KAZN: variants seen among roughly 807,000 people sequenced by gnomAD.
KAZN encodes kazrin, periplakin interacting protein, also known as kazrin.
Under a neutral mutation model 87.4 loss-of-function variants are expected in KAZN, and 40 were observed. That is an observed-to-expected ratio of 0.46 (90% CI 0.36 to 0.60). KAZN has a LOEUF of 0.60. Among genes scored for constraint, KAZN ranks in the 20% least tolerant of loss-of-function variants. The probability of loss-of-function intolerance (pLI) is 0.00; values close to 1 mark genes in which losing one functional copy is unlikely to be tolerated. For synonymous variants in KAZN, 466 were observed against 458.3 expected, an observed-to-expected ratio of 1.02 and a Z score of -0.22; for missense variants, 898 against 1,073.9, an observed-to-expected ratio of 0.84 and a Z score of 2.29.
chr1:13,983,826 G>T (rs186979476), intron 1 of KAZN, among the ~76,000 whole-genome samples: 25 of 152,258 alleles, frequency 1.6e-4, no homozygotes, highest in African/African-American at 4.8e-4. Context: ...TGTTTCGAAA[G>T]TTATACATGT....
chr1:14,466,412 C>T (rs1025036553), intron 2 of KAZN, among the ~76,000 whole-genome samples: 5 of 152,148 alleles, frequency 3.3e-5, no homozygotes, highest in East Asian at 3.9e-4. Context: ...CCAAATGCTG[C>T]GTGTTCTCAC....
At chr1:15,065,571 G>T in intron 7 of KAZN, 59 bp from the exon 8 acceptor site, 1 of 1,467,938 alleles carries the variant, frequency 6.8e-7, no homozygotes, top group Non-Finnish European at 9.3e-7. Flanking sequence ...CTGCACCCCA[G>T]CTAAGCTTGG....
At position 15,056,173 on chromosome 1, in the gene KAZN, G is replaced by A. The variant is rs1638259774; in HGVS notation, c.809G>A (p.Gly270Asp). Residue 270 changes from glycine (G) to aspartate (D), a missense_variant, in exon 5 of 15, where the codon GGC becomes GAC. Gly to Asp is a moderately conservative substitution (Grantham distance 94, BLOSUM62 -1). This residue lies in a region of KAZN where 521 missense variants were observed against 689.4 expected (regional missense o/e 0.76). Transcript: ENST00000376030. The surrounding 1 kb of genome is among the most constrained non-coding windows in gnomAD (Gnocchi z 5.4). ...ATGCCGGGCGAGACGGTGCTCAATG[G>A]CAACCAGGAGTGGGTGGTGCAGGCG... Reference protein sequence around the residue: ...LAMPGETVLNGNQEWVVQADL... With the variant: ...LAMPGETVLNDNQEWVVQADL... 6.2e-7 allele frequency: 1 copy of A among 1,614,182 alleles called. No individual in the cohort carries two copies. The highest frequency in any genetic ancestry group is 8.5e-7 in the Non-Finnish European group (1 of 1,180,024).
At chr1:15,027,241 C>T (rs1485117286) in intron 2 of KAZN, among the ~76,000 whole-genome samples, 5 of 152,116 alleles carry the variant, frequency 3.3e-5, no homozygotes, top group African/African-American at 1.2e-4. Flanking sequence ...GCACCACTCC[C>T]GGCTAATTTT....
chr1:14,867,245 C>T (rs1651567465), intron 1 of KAZN, among the ~76,000 whole-genome samples: 1 of 152,190 alleles, frequency 6.6e-6, no homozygotes, highest in South Asian at 2.1e-4. Context: ...CCTCTTTTGC[C>T]TTGAAGGTCT....
intron 2 of KAZN, among the ~76,000 whole-genome samples, chr1:14,183,647 C>T (rs968481556): frequency 5.3e-5 from 8 of 152,082 alleles, no homozygotes; most frequent in Admixed American, 2.6e-4. Context: ...TGTGTGACTC[C>T]GCATGCTAAG....
chr1:13,981,095 A>ATATATATATATG (rs1638660525), intron 1 of KAZN, among the ~76,000 whole-genome samples: 1 of 104,244 alleles, frequency 9.6e-6, no homozygotes, highest in African/African-American at 3.9e-5. Flanking sequence ...CTCTTTATAT[A>ATATATATATATG]TATATATATA....
At chr1:14,858,285 T>C (rs1262392792) in intron 1 of KAZN, among the ~76,000 whole-genome samples, 1 of 146,762 alleles carries the variant, frequency 6.8e-6, no homozygotes, top group Non-Finnish European at 1.5e-5. Flanking sequence ...CCATCTTGGC[T>C]CACCGCAACC....
At chr1:14,968,681 G>A (rs536863753) in intron 2 of KAZN, among the ~76,000 whole-genome samples, 1 of 152,320 alleles carries the variant, frequency 6.6e-6, no homozygotes, top group Non-Finnish European at 1.5e-5. Context: ...GCAGAAGAAA[G>A]GATCCGGAGT....
chr1:13,900,512 A>G (rs1639210278), intron 1 of KAZN, among the ~76,000 whole-genome samples: 1 of 152,240 alleles, frequency 6.6e-6, no homozygotes, highest in South Asian at 2.1e-4. Context: ...AAAAAGCAAC[A>G]GGGTGAAGTG....
chr1:14,401,069 T>G (rs1309559032), intron 2 of KAZN, among the ~76,000 whole-genome samples: 2 of 152,182 alleles, frequency 1.3e-5, no homozygotes, highest in Non-Finnish European at 2.9e-5. Flanking sequence ...GGTCTGAGGC[T>G]GCCAGGGAGA....
chr1:14,146,850 A>C (rs886827833), intron 1 of KAZN, among the ~76,000 whole-genome samples: 1 of 152,038 alleles, frequency 6.6e-6, no homozygotes, highest in African/African-American at 2.4e-5. Flanking sequence ...AGAGTTTGTC[A>C]AAGTGAGGAT....
chr1:14,324,063 C>T (rs560214395), intron 2 of KAZN, among the ~76,000 whole-genome samples: 3 of 152,160 alleles, frequency 2.0e-5, no homozygotes, highest in Non-Finnish European at 4.4e-5. Context: ...ACCTGTGCAC[C>T]CTAATTGCAT....
intron 2 of KAZN, among the ~76,000 whole-genome samples, chr1:14,375,245 A>T (rs1045389508): frequency 2.0e-5 from 3 of 152,112 alleles, no homozygotes; most frequent in Non-Finnish European, 2.9e-5. Flanking sequence ...AGAGTGCAGG[A>T]GGTTAGATTC....
At chr1:14,419,840 C>G (rs1370292310) in intron 2 of KAZN, among the ~76,000 whole-genome samples, 1 of 152,134 alleles carries the variant, frequency 6.6e-6, no homozygotes, top group Non-Finnish European at 1.5e-5. Context: ...GGAAGTGAAG[C>G]CAGACACCTT....
intron 1 of KAZN, among the ~76,000 whole-genome samples, chr1:14,906,983 T>C (rs900709491): frequency 2.0e-5 from 3 of 151,894 alleles, no homozygotes; most frequent in Non-Finnish European, 4.4e-5. Flanking sequence ...GGATGTGTCC[T>C]CTGACCTCGC....
chr1:14,802,870 G>A (rs1202548828), intron 1 of KAZN, among the ~76,000 whole-genome samples: 2 of 152,160 alleles, frequency 1.3e-5, no homozygotes, highest in South Asian at 2.1e-4. Context: ...TCAGTGGAAC[G>A]AGAAGGGAAC....
chr1:14,537,390 A>G (rs1428074430), intron 2 of KAZN, among the ~76,000 whole-genome samples: 3 of 152,250 alleles, frequency 2.0e-5, no homozygotes, highest in African/African-American at 7.2e-5. Flanking sequence ...GACTGGGGAA[A>G]TGAATGCTGA....
chr1:15,034,548 G>A (rs748723318), intron 2 of KAZN, among the ~76,000 whole-genome samples: 4 of 152,206 alleles, frequency 2.6e-5, no homozygotes, highest in Non-Finnish European at 1.5e-5. Context: ...GAGAATCGGG[G>A]CTCTCGACAT....
Sources: allele counts gnomAD v4.1 joint callset (sites outside exome capture counted in the v4.1 genomes callset), GRCh38; gene constraint gnomAD v4.1.1; regional missense constraint gnomAD v4.1.1; non-coding constraint Gnocchi (gnomAD v3.1); transcripts MANE v1.5; gene names NCBI Gene and HGNC (gene_info 2026-07-23, HGNC 2026-07-21).